Variants in CTNND2 observed in about 807,000 individuals in gnomAD.
CTNND2 encodes the protein catenin delta-2.
CTNND2 carries 22 observed loss-of-function variants against 144.4 expected under a neutral mutation model. The observed-to-expected ratio is 0.15, with a 90% confidence interval of 0.11 to 0.22. The LOEUF (loss-of-function observed/expected upper bound fraction) is 0.22. Ranked by LOEUF, CTNND2 falls within the 10% of genes least tolerant of loss-of-function variation. The pLI, the probability that CTNND2 is intolerant of heterozygous loss-of-function variation, is 1.00. For missense variants in CTNND2, 1,353 were observed against 1,618.8 expected, an observed-to-expected ratio of 0.84 and a Z score of 2.82; for synonymous variants, 751 against 695.6, an observed-to-expected ratio of 1.08 and a Z score of -1.25.
intron 14 of CTNND2, among the ~76,000 whole-genome samples, chr5:11,103,567 G>T (rs560783655): frequency 2.0e-5 from 3 of 152,152 alleles, no homozygotes; most frequent in Admixed American, 6.5e-5. Flanking sequence ...CTACTCAGGA[G>T]ACTGAGGCAG....
At chr5:11,340,884 T>C (rs1212513343) in intron 9 of CTNND2, among the ~76,000 whole-genome samples, 2 of 152,186 alleles carry the variant, frequency 1.3e-5, no homozygotes, top group African/African-American at 4.8e-5. Flanking sequence ...GATGATTAAA[T>C]TAGATAACGA....
intron 9 of CTNND2, among the ~76,000 whole-genome samples, chr5:11,315,878 C>G (rs1035580683): frequency 2.0e-5 from 3 of 152,136 alleles, no homozygotes; most frequent in African/African-American, 7.2e-5. Context: ...TTGGAATACT[C>G]TGATGTCTTA....
At chr5:11,491,467 G>T (rs1769379805) in intron 3 of CTNND2, among the ~76,000 whole-genome samples, 1 of 152,200 alleles carries the variant, frequency 6.6e-6, no homozygotes, top group African/African-American at 2.4e-5. Flanking sequence ...AGTAACTCAT[G>T]TGTCGAGAAG....
At chr5:11,560,906 C>T (rs1203243864) in intron 3 of CTNND2, among the ~76,000 whole-genome samples, 2 of 152,130 alleles carry the variant, frequency 1.3e-5, no homozygotes, top group African/African-American at 2.4e-5. Flanking sequence ...TAACTCACGC[C>T]GTGTAGAGGA....
At position 11,341,776 on chromosome 5, in the gene CTNND2, G is replaced by A. The variant is rs114811571; in HGVS notation, c.1628+4596C>T. Among the ~76,000 whole-genome samples the A allele has an allele frequency of 6.2e-3, 939 of 152,278 alleles. 7 individuals carry two copies. The highest frequency in any genetic ancestry group is 0.02 in the African/African-American group (829 of 41,548). The stretch of plus-strand genomic sequence containing the variant: ...CAACTCCAACCCTATGGGAGGCCAA[G>A]GCAGGAGGATCACTTGAGTCAGGGA... On this transcript the variant is annotated intron_variant, in intron 9 of 21. Transcript: ENST00000304623.
At chr5:11,746,475 C>T (rs1788323057) in intron 1 of CTNND2, among the ~76,000 whole-genome samples, 1 of 151,804 alleles carries the variant, frequency 6.6e-6, no homozygotes, top group South Asian at 2.1e-4. Flanking sequence ...CTTATCTCTT[C>T]TGGGATTAAA....
intron 1 of CTNND2, among the ~76,000 whole-genome samples, chr5:11,808,705 C>G (rs1425570945): frequency 6.6e-6 from 1 of 152,176 alleles, no homozygotes; most frequent in Non-Finnish European, 1.5e-5. Context: ...ACATCACATT[C>G]ACTAGAGACA....
intron 18 of CTNND2, among the ~76,000 whole-genome samples, chr5:10,995,929 T>C (rs1739292407): frequency 6.6e-6 from 1 of 152,164 alleles, no homozygotes; most frequent in Admixed American, 6.5e-5. Flanking sequence ...TGAGGTCATC[T>C]GCTGAGAATA....
intron 3 of CTNND2, among the ~76,000 whole-genome samples, chr5:11,418,040 T>A: frequency 6.6e-6 from 1 of 152,080 alleles, no homozygotes; most frequent in East Asian, 1.9e-4. Flanking sequence ...AATAAGCTGA[T>A]ATTAACTTGT....
At chr5:11,653,610 T>C (rs1054727745) in intron 2 of CTNND2, among the ~76,000 whole-genome samples, 1 of 152,122 alleles carries the variant, frequency 6.6e-6, no homozygotes, top group Non-Finnish European at 1.5e-5. Flanking sequence ...TATTGAATTA[T>C]ATGAGCTCTG....
intron 1 of CTNND2, among the ~76,000 whole-genome samples, chr5:11,866,007 A>G (rs1411885808): frequency 6.6e-6 from 1 of 151,982 alleles, no homozygotes; most frequent in Non-Finnish European, 1.5e-5. Flanking sequence ...TTCAAACATA[A>G]AGAACTTCAA....
At chr5:11,403,128 T>A (rs142950765) in intron 5 of CTNND2, among the ~76,000 whole-genome samples, 1,887 of 152,324 alleles carry the variant, frequency 0.012, 74 homozygotes, top group East Asian at 0.12. Context: ...GGTTGTTTGC[T>A]GCACCTATCA....
chr5:11,256,590 A>G (rs535302407), intron 9 of CTNND2, among the ~76,000 whole-genome samples: 1 of 152,380 alleles, frequency 6.6e-6, no homozygotes, highest in African/African-American at 2.4e-5. Flanking sequence ...GATAAAAATA[A>G]GAATGATGAC....
chr5:11,512,062 C>T (rs1458630815), intron 3 of CTNND2, among the ~76,000 whole-genome samples: 1 of 152,156 alleles, frequency 6.6e-6, no homozygotes, highest in Non-Finnish European at 1.5e-5. Context: ...ACAGAAGGAT[C>T]CTGGATTGAT....
chr5:11,617,058 C>A (rs965836827), intron 2 of CTNND2, among the ~76,000 whole-genome samples: 1 of 152,184 alleles, frequency 6.6e-6, no homozygotes, highest in African/African-American at 2.4e-5. Context: ...TCCATCATAT[C>A]TACTCGTATC....
chr5:11,636,052 T>C (rs1248360531), intron 2 of CTNND2, among the ~76,000 whole-genome samples: 1 of 106,176 alleles, frequency 9.4e-6, no homozygotes, highest in Non-Finnish European at 1.7e-5. Flanking sequence ...CACACACACA[T>C]TCATGATTCT....
intron 12 of CTNND2, among the ~76,000 whole-genome samples, chr5:11,118,108 G>T (rs1169109181): frequency 5.3e-5 from 8 of 152,256 alleles, no homozygotes; most frequent in African/African-American, 1.9e-4. Flanking sequence ...CTTATGAGAA[G>T]GGGCTGCTCC....
intron 8 of CTNND2, among the ~76,000 whole-genome samples, chr5:11,358,265 A>C (rs1490023192): frequency 6.6e-6 from 1 of 152,206 alleles, no homozygotes; most frequent in Non-Finnish European, 1.5e-5. Context: ...GAATTTTACC[A>C]ATAAACTGTT....
chr5:11,583,616 G>A (rs1036104245), intron 2 of CTNND2, among the ~76,000 whole-genome samples: 4 of 152,102 alleles, frequency 2.6e-5, no homozygotes, highest in African/African-American at 9.7e-5. Flanking sequence ...AGTTTAATGC[G>A]ATATTATGGG....
Sources: allele counts gnomAD v4.1 joint callset (sites outside exome capture counted in the v4.1 genomes callset), GRCh38; gene constraint gnomAD v4.1.1; transcripts MANE v1.5; gene names NCBI Gene and HGNC (gene_info 2026-07-23, HGNC 2026-07-21).